Variants in TMEM132D observed in about 807,000 individuals in gnomAD.
TMEM132D encodes transmembrane protein 132D.
In TMEM132D, 21 loss-of-function variants were observed where a neutral mutation model predicts 62.3. That is an observed-to-expected ratio of 0.34 (90% confidence interval 0.24 to 0.49). TMEM132D has a LOEUF of 0.49. TMEM132D is among the 20% of genes least tolerant of loss of function. The probability of loss-of-function intolerance (pLI) is 0.99; values close to 1 mark genes in which losing one functional copy is unlikely to be tolerated. For missense variants in TMEM132D, 1,346 were observed against 1,402.8 expected, an observed-to-expected ratio of 0.96 and a Z score of 0.65; for synonymous variants, 621 against 575.6, an observed-to-expected ratio of 1.08 and a Z score of -1.13.
intron 2 of TMEM132D, among the ~76,000 whole-genome samples, chr12:129,689,972 G>T (rs531605278): frequency 2.0e-5 from 3 of 152,284 alleles, no homozygotes; most frequent in South Asian, 4.1e-4. Context: ...ATTCAAGGAA[G>T]AAATAAATGA....
At chr12:129,770,803 G>A (rs1870721148) in intron 1 of TMEM132D, among the ~76,000 whole-genome samples, 1 of 152,186 alleles carries the variant, frequency 6.6e-6, no homozygotes, top group East Asian at 1.9e-4. Flanking sequence ...ATGGGATACT[G>A]TACTTAAAGT....
chr12:129,767,662 T>C (rs531250448), intron 1 of TMEM132D, among the ~76,000 whole-genome samples: 19 of 152,338 alleles, frequency 1.2e-4, no homozygotes, highest in African/African-American at 4.6e-4. Flanking sequence ...TGTTGTAGCA[T>C]GTGTCAGAGT....
chr12:129,531,314 A>C, intron 2 of TMEM132D, 109 bp from the exon 3 acceptor site: 1 of 1,330,034 alleles, frequency 7.5e-7, no homozygotes, highest in Non-Finnish European at 1.0e-6. Flanking sequence ...TGGCAGGTGT[A>C]AGCTCATGTA....
chr12:129,231,033 T>C (rs1879623757), intron 4 of TMEM132D, among the ~76,000 whole-genome samples: 1 of 152,252 alleles, frequency 6.6e-6, no homozygotes, highest in Middle Eastern at 3.2e-3. Flanking sequence ...ATCTTGTTTA[T>C]TTACTCCATA....
intron 3 of TMEM132D, among the ~76,000 whole-genome samples, chr12:129,448,251 A>T (rs7488953): frequency 1.3e-5 from 2 of 151,920 alleles, no homozygotes; most frequent in Non-Finnish European, 2.9e-5. Flanking sequence ...GTTATGGGGT[A>T]TATGTGCAGG....
intron 4 of TMEM132D, among the ~76,000 whole-genome samples, chr12:129,333,369 G>A (rs775157866): frequency 7.9e-5 from 12 of 152,192 alleles, no homozygotes; most frequent in Non-Finnish European, 1.5e-4. Context: ...TTAAAAATGT[G>A]TGCAAAGATT....
chr12:129,772,421 T>C (rs1321818369), intron 1 of TMEM132D, among the ~76,000 whole-genome samples: 1 of 152,138 alleles, frequency 6.6e-6, no homozygotes, highest in Non-Finnish European at 1.5e-5. Flanking sequence ...TCCAGTATCA[T>C]ATAGGGGGGA....
At chr12:129,295,107 G>T (rs1018861493) in intron 4 of TMEM132D, among the ~76,000 whole-genome samples, 1 of 152,188 alleles carries the variant, frequency 6.6e-6, no homozygotes, top group African/African-American at 2.4e-5. Flanking sequence ...TTGGCCTCCT[G>T]CAAGGAAGAG....
At chr12:129,613,350 G>T (rs748172255) in intron 2 of TMEM132D, among the ~76,000 whole-genome samples, 1 of 152,098 alleles carries the variant, frequency 6.6e-6, no homozygotes, top group Admixed American at 6.5e-5. Flanking sequence ...TGATGGAGCC[G>T]CTCCTCTATC....
At chr12:129,482,163 AG>A (rs1874447623) in intron 3 of TMEM132D, among the ~76,000 whole-genome samples, 1 of 152,176 alleles carries the variant, frequency 6.6e-6, no homozygotes, top group African/African-American at 2.4e-5. Flanking sequence ...TTCCCAGCTG[AG>A]CCCCCAGGTG....
Position 129,794,308 on chromosome 12 carries a change from G to A in TMEM132D, c.80-93610C>T, listed in dbSNP as rs143255190. Reference sequence around the variant, plus strand: ...GTAGAGAAAGGGTTTTGCCATGTTGGCCAGGTTGGTCTCAAACTCCTGATC... The same window carrying A: ...GTAGAGAAAGGGTTTTGCCATGTTGACCAGGTTGGTCTCAAACTCCTGATC... On this transcript the variant is annotated intron_variant, in intron 1 of 8. Coordinates refer to ENST00000422113, the MANE Select transcript of TMEM132D (RefSeq NM_133448.3). 2.2e-5 allele frequency among the ~76,000 whole-genome samples: 3 copies of A among 136,644 alleles called. No homozygotes were observed. The East Asian group carries it at 6.4e-4, about 29-fold the overall frequency. The allele number at this position is 136,644 out of a possible 152,430, so 89.6% of individuals were successfully genotyped here. A position where few individuals can be genotyped will look rare whatever the true frequency, so the allele number is the denominator to read the frequency against.
intron 4 of TMEM132D, among the ~76,000 whole-genome samples, chr12:129,309,517 G>T (rs1055983646): frequency 6.6e-6 from 1 of 152,150 alleles, no homozygotes; most frequent in African/African-American, 2.4e-5. Context: ...TTGTAGGATT[G>T]TGATTGCTTT....
chr12:129,750,524 C>A (rs572937282), intron 1 of TMEM132D, among the ~76,000 whole-genome samples: 163 of 152,220 alleles, frequency 1.1e-3, no homozygotes, highest in South Asian at 1.9e-3. Context: ...TATGATGGAC[C>A]AACATTGCAG....
At chr12:129,650,549 T>C (rs1299315481) in intron 2 of TMEM132D, among the ~76,000 whole-genome samples, 1 of 152,214 alleles carries the variant, frequency 6.6e-6, no homozygotes, top group African/African-American at 2.4e-5. Context: ...TTCAAAACGA[T>C]TGTAACAAGT....
At chr12:129,570,673 T>C (rs1368109278) in intron 2 of TMEM132D, among the ~76,000 whole-genome samples, 4 of 152,210 alleles carry the variant, frequency 2.6e-5, no homozygotes, top group African/African-American at 9.6e-5. Flanking sequence ...GGTTAAAGAC[T>C]GCACCCAGAT....
intron 5 of TMEM132D, among the ~76,000 whole-genome samples, chr12:129,207,791 T>C (rs1406964127): frequency 6.6e-6 from 1 of 152,210 alleles, no homozygotes. Flanking sequence ...TGATCCATAA[T>C]TAATGTACAT....
At position 129,827,972 on chromosome 12, in the gene TMEM132D, A is replaced by G. The variant is rs1461923592; in HGVS notation, c.79+75289T>C. On this transcript the variant is annotated intron_variant, in intron 1 of 8. Transcript: ENST00000422113. This position sits in a 1 kb window ranked among gnomAD's most constrained non-coding sequence, Gnocchi z 9.7. ...GCTAAGTAATGATAAATGTATGATA[A>G]TTTATTCTAAGTAAAATGAAGTGTG... Among the ~76,000 whole-genome samples, 1 of 152,214 alleles carries G rather than the reference A, an allele frequency of 6.6e-6. No homozygotes were observed. The highest frequency in any genetic ancestry group is 1.5e-5 in the Non-Finnish European group (1 of 68,044).
intron 3 of TMEM132D, among the ~76,000 whole-genome samples, chr12:129,396,096 T>C (rs1202194453): frequency 1.3e-5 from 2 of 150,728 alleles, no homozygotes; most frequent in Admixed American, 1.3e-4. Context: ...TAGATACAGA[T>C]ATAGGTATGT....
intron 1 of TMEM132D, among the ~76,000 whole-genome samples, chr12:129,774,940 A>G (rs917876462): frequency 2.6e-5 from 4 of 152,232 alleles, no homozygotes; most frequent in Non-Finnish European, 5.9e-5. Context: ...CCAACCTCAC[A>G]GAAGTGTGAG....
Sources: gnomAD v4.1 joint callset for allele counts (sites outside exome capture counted in the v4.1 genomes callset) on GRCh38, gnomAD v4.1.1 for gene constraint, Gnocchi (gnomAD v3.1) non-coding constraint, MANE v1.5 for transcripts, NCBI Gene and HGNC (gene_info 2026-07-23, HGNC 2026-07-21) for gene names.